Variants in CPNE5 observed in about 807,000 individuals in gnomAD.
CPNE5 encodes copine 5.
A neutral mutation model predicts 81.1 loss-of-function variants in CPNE5; 42 were observed. The ratio of observed to expected loss-of-function variants is 0.52; its 90% confidence interval spans 0.40 to 0.67. The LOEUF (loss-of-function observed/expected upper bound fraction) is 0.67, where lower values mean the gene tolerates loss of function less well. CPNE5 is among the 30% of genes least tolerant of loss of function. The pLI is 0.00. For missense variants in CPNE5, 612 were observed against 815.5 expected, an observed-to-expected ratio of 0.75 and a Z score of 3.04; for synonymous variants, 313 against 321.5, an observed-to-expected ratio of 0.97 and a Z score of 0.28.
In CPNE5 at chr6:36,829,864, A is replaced by C. The variant is rs1409557007; in HGVS notation, c.96-6766T>G. On this transcript the variant is annotated intron_variant, in intron 1 of 20. Transcript: ENST00000244751. The stretch of plus-strand genomic sequence containing the variant: ...TGTAGGAATTGCAAAAAAAAAAAAA[A>C]AAAAATACCCAACAGGAATCCTGAT... Among the ~76,000 whole-genome samples, 28 of 147,762 alleles carry C rather than the reference A, an allele frequency of 1.9e-4. 1 individual carries two copies. Among genetic ancestry groups the C allele is most frequent in the African/African-American group, 5.9e-4 (24 of 40,818 alleles).
intron 12 of CPNE5, chr6:36,757,192 C>T (rs1389950407): frequency 8.6e-6 from 3 of 347,432 alleles, no homozygotes; most frequent in Admixed American, 6.4e-5. Context: ...ATTTGACCCT[C>T]GCCAGTTTTT....
At position 36,839,280 on chromosome 6, in the gene CPNE5, C is replaced by T. The variant is rs1773826496; in HGVS notation, c.95+3G>A. On this transcript the variant is annotated splice_donor_region_variant and intron_variant, in intron 1 of 20. Transcript: ENST00000244751. This position sits in a 1 kb window ranked among gnomAD's most constrained non-coding sequence, Gnocchi z 7.3. ...AAGGGGACCCGGCCAGCGGGAGGCT[C>T]ACCTGCAGGACACGGTGATCTCCAC... 2 of 1,535,872 alleles carry T rather than the reference C, an allele frequency of 1.3e-6. No individual in the cohort carries two copies. The highest frequency in any genetic ancestry group is 2.8e-5 in the African/African-American group (2 of 72,418).
chr6:36,797,118 G>A (rs1228861261), intron 6 of CPNE5, among the ~76,000 whole-genome samples: 1 of 152,226 alleles, frequency 6.6e-6, no homozygotes, highest in East Asian at 1.9e-4. Context: ...TGTTGGCCAA[G>A]CTGGTCTCGA....
chr6:36,760,118 G>T (rs1189110277), intron 12 of CPNE5, among the ~76,000 whole-genome samples: 3 of 151,688 alleles, frequency 2.0e-5, no homozygotes, highest in South Asian at 2.1e-4. Flanking sequence ...GGGAGACTGA[G>T]GTGGGAGGAT....
chr6:36,816,730 G>T (rs760628123), intron 3 of CPNE5, among the ~76,000 whole-genome samples: 3 of 152,156 alleles, frequency 2.0e-5, no homozygotes, highest in Non-Finnish European at 4.4e-5. Flanking sequence ...TCTGTGGGTC[G>T]CACAGAGAAT....
chr6:36,791,605 G>A lies in CPNE5; in HGVS notation c.528+428C>T, dbSNP rs533236922. ...ACACACTCCATCCGCCCCATGCAGGGTGTCACCCTACTCCAGAGCTGAAAG... is the reference window on the plus strand; with the variant it reads ...ACACACTCCATCCGCCCCATGCAGGATGTCACCCTACTCCAGAGCTGAAAG... On this transcript the variant is annotated intron_variant, in intron 8 of 20. Transcript: ENST00000244751. 2.0e-5 allele frequency among the ~76,000 whole-genome samples: 3 copies of A among 152,240 alleles called. No individual in the cohort carries two copies. The South Asian group carries it at 6.2e-4, about 32-fold the overall frequency.
In CPNE5 at chr6:36,743,720, CG is replaced by C; in HGVS notation, c.1531del (p.Arg511GlyfsTer27). On this transcript the variant is annotated frameshift_variant, in exon 20 of 21. Coordinates refer to ENST00000244751, the MANE Select transcript of CPNE5 (RefSeq NM_020939.2). LOFTEE classifies it high-confidence loss of function. ...LDGDDVRISSRGKLAERDIVQ... is the reference protein window; with the variant it reads ...LDGDDVRISSXGKLAERDIVQ... Reference sequence around the variant, plus strand: ...GATGTCGCGTTCAGCCAGCTTCCCCCGGGAGGAGATCCGCACGTCGTCGCCA... The same window carrying C: ...GATGTCGCGTTCAGCCAGCTTCCCCCGGAGGAGATCCGCACGTCGTCGCCA... The C allele has an allele frequency of 6.2e-7, 1 of 1,613,292 alleles. No individual in the cohort carries two copies. Among genetic ancestry groups the C allele is most frequent in the Non-Finnish European group, 8.5e-7 (1 of 1,179,986 alleles).
intron 3 of CPNE5, among the ~76,000 whole-genome samples, chr6:36,819,717 C>T (rs1240182582): frequency 6.6e-6 from 1 of 152,174 alleles, no homozygotes; most frequent in African/African-American, 2.4e-5. Flanking sequence ...TCCTTGGACC[C>T]TGGGGACAAG....
chr6:36,798,220 A>G lies in CPNE5; in HGVS notation c.349T>C (p.Cys117Arg). 1.9e-6 allele frequency: 3 copies of G among 1,613,778 alleles called. No individual in the cohort carries two copies. Among genetic ancestry groups the G allele is most frequent in the Non-Finnish European group, 2.5e-6 (3 of 1,179,854 alleles). The change falls in exon 6 of 21, where the codon TGC (cysteine) becomes CGC (arginine). Residue 117 changes from cysteine (C) to arginine (R), a missense_variant. Physicochemically the swap from Cys to Arg is radical, Grantham distance 180. Transcript: ENST00000244751. Reference protein sequence around the residue: ...SKHDFLGQAFCTLGEIVGSPG... With the variant: ...SKHDFLGQAFRTLGEIVGSPG... ...GACCCCACAATCTCTCCAAGGGTGC[A>G]GAAGGCCTGGCCCAGGAAATCCTGC... is the stretch of plus-strand genomic sequence containing the variant.
chr6:36,743,497 G>T (rs895520610), intron 20 of CPNE5, among the ~76,000 whole-genome samples, 192 bp downstream of exon 20: 2 of 152,210 alleles, frequency 1.3e-5, no homozygotes, highest in South Asian at 2.1e-4. Context: ...GTGACAGAGG[G>T]GGGCCCAGCC....
chr6:36,748,765 G>A (rs1280099843), intron 14 of CPNE5, among the ~76,000 whole-genome samples: 1 of 152,184 alleles, frequency 6.6e-6, no homozygotes, highest in Non-Finnish European at 1.5e-5. Flanking sequence ...AGGCTCCAGA[G>A]CTGTCTAGTT....
Position 36,766,069 on chromosome 6 carries a change from G to A in CPNE5, c.738-693C>T, listed in dbSNP as rs1301573238. Among the ~76,000 whole-genome samples the A allele has an allele frequency of 1.3e-5, 2 of 152,188 alleles. No individual in the cohort carries two copies. Among genetic ancestry groups the A allele is most frequent in the Non-Finnish European group, 2.9e-5 (2 of 68,014 alleles). On this transcript the variant is annotated intron_variant, in intron 10 of 20. Coordinates refer to ENST00000244751, the MANE Select transcript of CPNE5 (RefSeq NM_020939.2). This position sits in a 1 kb window ranked among gnomAD's most constrained non-coding sequence, Gnocchi z 4.2. ...GGACCAGAGCTGGGAGGAGGGAGGT[G>A]GAGGGTTGCGGTTAACCCTTGGTGC... is the stretch of plus-strand genomic sequence containing the variant.
At chr6:36,817,873 T>G (rs559204697) in intron 3 of CPNE5, among the ~76,000 whole-genome samples, 1 of 152,138 alleles carries the variant, frequency 6.6e-6, no homozygotes, top group Non-Finnish European at 1.5e-5. Context: ...AGGACTCCCC[T>G]TCCTCCCAAG....
intron 7 of CPNE5, 185 bp from the exon 8 acceptor site, chr6:36,792,281 C>T: frequency 1.4e-6 from 2 of 1,450,916 alleles, no homozygotes; most frequent in South Asian, 2.5e-5. Context: ...TGCACTGCTT[C>T]CTGGGACCGG....
chr6:36,835,622 C>T (rs1388475400), intron 1 of CPNE5, among the ~76,000 whole-genome samples: 1 of 152,096 alleles, frequency 6.6e-6, no homozygotes, highest in African/African-American at 2.4e-5. Context: ...ATGGTGAAAC[C>T]TTGTCTCTAC....
chr6:36,790,750 G>A (rs1197712196), intron 8 of CPNE5, among the ~76,000 whole-genome samples: 1 of 151,958 alleles, frequency 6.6e-6, no homozygotes, highest in African/African-American at 2.4e-5. Context: ...TCACCATGCT[G>A]GCCAGGCTGG....
At chr6:36,838,648 G>T (rs951810488) in intron 1 of CPNE5, 14 of 501,468 alleles carry the variant, frequency 2.8e-5, no homozygotes, top group Non-Finnish European at 3.1e-5. Context: ...TTTGACCCAA[G>T]TTATTTTTTT....
intron 1 of CPNE5, among the ~76,000 whole-genome samples, chr6:36,828,984 T>G (rs1772756655): frequency 6.6e-6 from 1 of 152,154 alleles, no homozygotes; most frequent in Non-Finnish European, 1.5e-5. Flanking sequence ...ACTCACATAG[T>G]AAGTTGCAAT....
intron 1 of CPNE5, among the ~76,000 whole-genome samples, chr6:36,837,701 G>A (rs1395215830): frequency 6.6e-6 from 1 of 152,128 alleles, no homozygotes; most frequent in Non-Finnish European, 1.5e-5. Flanking sequence ...TCAGGAGTGG[G>A]GGGATCATGA....
Sources: allele counts gnomAD v4.1 joint callset (sites outside exome capture counted in the v4.1 genomes callset), GRCh38; gene constraint gnomAD v4.1.1; non-coding constraint Gnocchi (gnomAD v3.1); transcripts MANE v1.5; gene names NCBI Gene and HGNC (gene_info 2026-07-23, HGNC 2026-07-21).